SLC35A1: variants seen among roughly 807,000 people sequenced by gnomAD.
SLC35A1 encodes CMP-sialic acid transporter.
In SLC35A1, 21 loss-of-function variants were observed where a neutral mutation model predicts 40.3. The observed-to-expected ratio is 0.52, with a 90% CI of 0.37 to 0.75. The LOEUF is 0.75. Among genes scored for constraint, SLC35A1 ranks in the 30% least tolerant of loss-of-function variants. The pLI is 0.00. For missense variants in SLC35A1, 297 were observed against 382.1 expected (o/e 0.78, Z 1.86); for synonymous variants, 146 against 147.3 (o/e 0.99, Z 0.06).
At chr6:87,499,844 A>C (rs776293399) in intron 2 of SLC35A1, among the ~76,000 whole-genome samples, 3 of 152,224 alleles carry the variant, frequency 2.0e-5, no homozygotes, top group African/African-American at 7.2e-5. Context: ...GGCCAGGTGC[A>C]GTGGCTCACG....
intron 5 of SLC35A1, among the ~76,000 whole-genome samples, chr6:87,507,427 CATTTT>C (rs1221580143): frequency 1.3e-5 from 2 of 152,106 alleles, no homozygotes; most frequent in African/African-American, 4.8e-5. Flanking sequence ...TTATGTCCAA[CATTTT>C]ATTAGTTCAC....
At chr6:87,482,123 T>C (rs1264666880) in intron 2 of SLC35A1, among the ~76,000 whole-genome samples, 1 of 152,218 alleles carries the variant, frequency 6.6e-6, no homozygotes, top group Non-Finnish European at 1.5e-5. Flanking sequence ...ACTTTCGCAA[T>C]CTTCGACAGG....
At chr6:87,476,338 T>C (rs1769068593) in intron 1 of SLC35A1, among the ~76,000 whole-genome samples, 1 of 152,248 alleles carries the variant, frequency 6.6e-6, no homozygotes, top group Admixed American at 6.5e-5. Context: ...TCAATTATTA[T>C]TTTCTTTCTG....
At chr6:87,508,033 G>A (rs1770140757) in intron 5 of SLC35A1, among the ~76,000 whole-genome samples, 1 of 152,034 alleles carries the variant, frequency 6.6e-6, no homozygotes, top group South Asian at 2.1e-4. Context: ...GATATTACAG[G>A]GATGTGATTA....
chr6:87,478,362 G>A (rs1378075112), intron 2 of SLC35A1, among the ~76,000 whole-genome samples: 1 of 152,114 alleles, frequency 6.6e-6, no homozygotes, highest in African/African-American at 2.4e-5. Flanking sequence ...ATGGGGTGCT[G>A]AAAATTAAAT....
chr6:87,479,208 C>A (rs1359991422), intron 2 of SLC35A1, among the ~76,000 whole-genome samples: 1 of 152,202 alleles, frequency 6.6e-6, no homozygotes, highest in Non-Finnish European at 1.5e-5. Flanking sequence ...TTGCATTTTC[C>A]TTACACCTCT....
chr6:87,473,594 T>G (rs1162942299), intron 1 of SLC35A1, among the ~76,000 whole-genome samples: 30 of 129,854 alleles, frequency 2.3e-4, no homozygotes, highest in Admixed American at 2.3e-3. Flanking sequence ...GTATGCTGTG[T>G]GTAATTATAG....
intron 2 of SLC35A1, among the ~76,000 whole-genome samples, 181 bp downstream of exon 2, chr6:87,477,720 C>A (rs1194864031): frequency 6.6e-6 from 1 of 152,146 alleles, no homozygotes; most frequent in Admixed American, 6.5e-5. Context: ...CTACTGGCAT[C>A]TAGTGGGTGG....
chr6:87,509,015 AGATTT>A (rs1188354228), intron 6 of SLC35A1, 21 bp from the exon 7 acceptor site: 8 of 1,612,888 alleles, frequency 5.0e-6, no homozygotes, highest in Admixed American at 3.3e-5. Flanking sequence ...TTGAGTGATA[AGATTT>A]TATTTCTCTC....
At chr6:87,488,212 G>T (rs1769443014) in intron 2 of SLC35A1, 2 of 152,122 alleles carry the variant, frequency 1.3e-5, no homozygotes, top group Non-Finnish European at 2.9e-5. Flanking sequence ...AAATTTGGGA[G>T]TTCTTATCAC....
chr6:87,512,049 G>GTGTAAAC lies in SLC35A1; in HGVS notation c.*524_*525insGTAAACT. 6.8e-6 allele frequency: 1 copy of GTGTAAAC among 147,876 alleles called. No individual in the cohort carries two copies. The highest frequency in any genetic ancestry group is 1.4e-5 in the Non-Finnish European group (1 of 69,500). The allele number at this position is 147,876 out of a possible 1,614,324, so 9.2% of individuals were successfully genotyped here. ...ACAGGCTAGTTCATAAACAAACTGT[G>GTGTAAAC]TAACTTCTCAAAATGAATCTATTTC... is the stretch of plus-strand genomic sequence containing the variant. On this transcript the variant is annotated 3_prime_UTR_variant, in exon 8 of 8. Coordinates refer to ENST00000369552, the MANE Select transcript of SLC35A1 (RefSeq NM_006416.5).
intron 3 of SLC35A1, 101 bp downstream of exon 3, chr6:87,500,768 G>A: frequency 9.6e-7 from 1 of 1,040,488 alleles, no homozygotes; most frequent in Non-Finnish European, 1.4e-6. Context: ...TTTTTTTTGA[G>A]ATGGAGTCTC....
At chr6:87,477,580 C>T (rs1397995779) in intron 2 of SLC35A1, 41 bp downstream of exon 2, 2 of 1,485,548 alleles carry the variant, frequency 1.3e-6, no homozygotes, top group African/African-American at 1.4e-5. Flanking sequence ...TATTTTTCTA[C>T]CTGGTGAGGG....
At chr6:87,508,917 A>G (rs1427414640) in intron 6 of SLC35A1, 124 bp from the exon 7 acceptor site, 3 of 1,074,222 alleles carry the variant, frequency 2.8e-6, no homozygotes, top group Non-Finnish European at 4.3e-6. Flanking sequence ...GGCTCCTTCT[A>G]AGGAAAACAG....
chr6:87,503,440 C>T (rs576675544), intron 4 of SLC35A1, among the ~76,000 whole-genome samples: 1 of 152,292 alleles, frequency 6.6e-6, no homozygotes, highest in African/African-American at 2.4e-5. Flanking sequence ...TACCTTTATC[C>T]TCACTACAGT....
intron 2 of SLC35A1, among the ~76,000 whole-genome samples, chr6:87,494,010 T>C (rs1196489010): frequency 6.6e-6 from 1 of 151,922 alleles, no homozygotes; most frequent in African/African-American, 2.4e-5. Flanking sequence ...GTGGTCAAAG[T>C]AGTAAATGTT....
At chr6:87,489,128 C>G (rs953079063) in intron 2 of SLC35A1, among the ~76,000 whole-genome samples, 1 of 152,186 alleles carries the variant, frequency 6.6e-6, no homozygotes, top group East Asian at 1.9e-4. Flanking sequence ...CATTGGAAGA[C>G]AATAGCTTAA....
At chr6:87,474,096 T>C (rs1768999893) in intron 1 of SLC35A1, among the ~76,000 whole-genome samples, 1 of 152,246 alleles carries the variant, frequency 6.6e-6, no homozygotes, top group Non-Finnish European at 1.5e-5. Context: ...AGAAATAGAA[T>C]TGTTTTGATA....
At position 87,500,525 on chromosome 6, in the gene SLC35A1, G is replaced by A; in HGVS notation, c.212G>A (p.Gly71Asp). Residue 71 changes from glycine to aspartate, a missense_variant, in exon 3 of 8, where the codon GGT becomes GAT. Physicochemically the swap from Gly to Asp is moderately conservative, Grantham distance 94. Transcript: ENST00000369552. Reference protein sequence around the residue: ...GILAKETGSLGRFKASLRENV... With the variant: ...GILAKETGSLDRFKASLRENV... ...TTTCAAAGAGAAACTGGTAGTCTGGGTAGATTCAAAGCATCTTTAAGAGAA... is the reference window on the plus strand; with the variant it reads ...TTTCAAAGAGAAACTGGTAGTCTGGATAGATTCAAAGCATCTTTAAGAGAA... 6.2e-7 allele frequency: 1 copy of A among 1,614,052 alleles called. No individual in the cohort carries two copies. The highest frequency in any genetic ancestry group is 2.2e-5 in the East Asian group (1 of 44,864).
Sources: allele counts gnomAD v4.1 joint callset (sites outside exome capture counted in the v4.1 genomes callset), GRCh38; gene constraint gnomAD v4.1.1; transcripts MANE v1.5; gene names NCBI Gene and HGNC (gene_info 2026-07-23, HGNC 2026-07-21).